CLRN1: variants seen among roughly 807,000 people sequenced by gnomAD.
CLRN1 encodes the protein clarin-1.
A neutral mutation model predicts 18.7 loss-of-function variants in CLRN1; 15 were observed. The observed-to-expected ratio is 0.80, with a 90% CI of 0.54 to 1.23. CLRN1 has a LOEUF of 1.23. Ranked by LOEUF, CLRN1 falls within the 50% of genes most tolerant of loss-of-function variation. CLRN1 has a pLI of 0.00. For synonymous variants in CLRN1, 104 were observed against 102.9 expected, an observed-to-expected ratio of 1.01 and a Z score of -0.07; for missense variants, 311 against 277.5, an observed-to-expected ratio of 1.12 and a Z score of -0.86.
chr3:150,959,530 G>T (rs1005991366), intron 1 of CLRN1, among the ~76,000 whole-genome samples: 1 of 151,790 alleles, frequency 6.6e-6, no homozygotes, highest in Non-Finnish European at 1.5e-5. Flanking sequence ...TCAGGAGGCT[G>T]GGGCAGGAGA....
At chr3:150,935,295 T>TCCCCC (rs1713403689) in intron 2 of CLRN1, among the ~76,000 whole-genome samples, 2 of 66,478 alleles carry the variant, frequency 3.0e-5, no homozygotes, top group South Asian at 8.7e-4. Context: ...CCCTCCCCCC[T>TCCCCC]CTTCCCACCC....
intron 1 of CLRN1, among the ~76,000 whole-genome samples, chr3:150,968,895 A>C (rs79449679): frequency 6.6e-6 from 1 of 151,932 alleles, no homozygotes; most frequent in Non-Finnish European, 1.5e-5. Context: ...GGTGTCTACC[A>C]TACTTAGGGA....
At position 150,962,911 on chromosome 3, in the gene CLRN1, A is replaced by T. The variant is rs190044493; in HGVS notation, c.253+9545T>A. Among the ~76,000 whole-genome samples, 196 of 152,328 alleles carry T rather than the reference A, an allele frequency of 1.3e-3. 1 individual carries two copies. The highest frequency in any genetic ancestry group is 4.5e-3 in the African/African-American group (187 of 41,590). On this transcript the variant is annotated intron_variant, in intron 1 of 2. Coordinates refer to ENST00000327047, the MANE Select transcript of CLRN1 (RefSeq NM_174878.3). Reference sequence around the variant, plus strand: ...AGATTTAGACATCAGGATCACTAAAATGTGAAATAAAAAGGCAATGAATGA... The same window carrying T: ...AGATTTAGACATCAGGATCACTAAATTGTGAAATAAAAAGGCAATGAATGA...
At chr3:150,948,090 G>A (rs186084027) in intron 1 of CLRN1, among the ~76,000 whole-genome samples, 1 of 152,238 alleles carries the variant, frequency 6.6e-6, no homozygotes, top group African/African-American at 2.4e-5. Context: ...CCATTCAAAA[G>A]ATCAAGAAAT....
intron 1 of CLRN1, chr3:150,943,731 G>T: frequency 6.2e-7 from 1 of 1,603,908 alleles, no homozygotes; most frequent in Non-Finnish European, 8.5e-7. Context: ...GGCCCACTGA[G>T]CTGACAACAC....
intron 1 of CLRN1, among the ~76,000 whole-genome samples, chr3:150,971,933 C>A (rs188169785): frequency 6.8e-4 from 104 of 152,272 alleles, no homozygotes; most frequent in Non-Finnish European, 8.8e-4. Context: ...TTTTAAATTT[C>A]TATAGCCAAA....
intron 1 of CLRN1, among the ~76,000 whole-genome samples, chr3:150,954,822 T>G (rs1714659261): frequency 6.6e-6 from 1 of 152,254 alleles, no homozygotes; most frequent in Non-Finnish European, 1.5e-5. Flanking sequence ...TTTGTATTTT[T>G]GCATATAGAT....
At chr3:150,945,388 CT>C in intron 1 of CLRN1, 1 of 533,942 alleles carries the variant, frequency 1.9e-6, no homozygotes. Context: ...AAGTAGTCAT[CT>C]GTACAAATGC....
intron 1 of CLRN1, among the ~76,000 whole-genome samples, chr3:150,951,162 G>T (rs1389966852): frequency 6.6e-6 from 1 of 152,058 alleles, no homozygotes; most frequent in Non-Finnish European, 1.5e-5. Context: ...GGTGGGAGGA[G>T]GGGGAGGAGC....
chr3:150,934,755 A>G (rs1025420366), intron 2 of CLRN1, among the ~76,000 whole-genome samples: 1 of 152,140 alleles, frequency 6.6e-6, no homozygotes, highest in African/African-American at 2.4e-5. Flanking sequence ...AATTGCTTCT[A>G]TACTCAGCTC....
At chr3:150,938,924 A>G (rs1713642798) in intron 2 of CLRN1, among the ~76,000 whole-genome samples, 1 of 152,210 alleles carries the variant, frequency 6.6e-6, no homozygotes, top group African/African-American at 2.4e-5. Flanking sequence ...TAAATTCTGT[A>G]TTCTCTGAGT....
Position 150,927,111 on chromosome 3 carries a change from C to T in CLRN1, c.*825G>A. On this transcript the variant is annotated 3_prime_UTR_variant, in exon 3 of 3. Coordinates refer to ENST00000327047, the MANE Select transcript of CLRN1 (RefSeq NM_174878.3). ...TCATTTTTCATGATTCCTCAGTGGT[C>T]CTAACAATTATGTTCATTGAAAGTA... 1.4e-6 allele frequency: 1 copy of T among 739,708 alleles called. No individual in the cohort carries two copies. Among genetic ancestry groups the T allele is most frequent in the Non-Finnish European group, 2.3e-6 (1 of 427,576 alleles). The allele number at this position is 739,708 out of a possible 1,614,324, so 45.8% of individuals were successfully genotyped here.
At chr3:150,948,377 G>T (rs1275749681) in intron 1 of CLRN1, among the ~76,000 whole-genome samples, 3 of 150,980 alleles carry the variant, frequency 2.0e-5, no homozygotes, top group African/African-American at 7.3e-5. Flanking sequence ...CCAGCTACTC[G>T]GGAGGCTGAG....
At chr3:150,936,849 C>T (rs1435077226) in intron 2 of CLRN1, among the ~76,000 whole-genome samples, 1 of 151,952 alleles carries the variant, frequency 6.6e-6, no homozygotes, top group Non-Finnish European at 1.5e-5. Flanking sequence ...GTTCCTACAA[C>T]AAGCAGACCT....
chr3:150,943,553 T>C (rs1713980716), intron 1 of CLRN1, among the ~76,000 whole-genome samples: 2 of 152,196 alleles, frequency 1.3e-5, no homozygotes. Context: ...CCACTTTCAT[T>C]GCTAATTCTC....
intron 1 of CLRN1, among the ~76,000 whole-genome samples, chr3:150,948,278 A>G (rs1382316119): frequency 1.3e-4 from 20 of 148,994 alleles, no homozygotes; most frequent in South Asian, 6.4e-4. Flanking sequence ...AGGTCAGGAG[A>G]TCGAGACCAT....
At position 150,926,880 on chromosome 3, in the gene CLRN1, T is replaced by A; in HGVS notation, c.*1056A>T. The A allele has an allele frequency of 3.1e-6, 5 of 1,614,032 alleles. No individual in the cohort carries two copies. The highest frequency in any genetic ancestry group is 4.2e-6 in the Non-Finnish European group (5 of 1,179,994). On this transcript the variant is annotated 3_prime_UTR_variant, in exon 3 of 3. Transcript: ENST00000327047. ...GCTGTGGCCTTTAGTCAGCTGCAGA[T>A]CAATTTGATGGGTAATTCAGGGGAA... is the stretch of plus-strand genomic sequence containing the variant.
intron 1 of CLRN1, among the ~76,000 whole-genome samples, chr3:150,953,236 T>C (rs1383511261): frequency 6.6e-6 from 1 of 152,248 alleles, no homozygotes; most frequent in Non-Finnish European, 1.5e-5. Context: ...CCAGAAAGTA[T>C]TTGATTAGCT....
intron 1 of CLRN1, chr3:150,945,502 T>C (rs1448295154): frequency 7.8e-7 from 1 of 1,285,598 alleles, no homozygotes. Context: ...CCGCTGGATG[T>C]AATTAACTAA....
Sources: gnomAD v4.1 joint callset for allele counts (sites outside exome capture counted in the v4.1 genomes callset) on GRCh38, gnomAD v4.1.1 for gene constraint, MANE v1.5 for transcripts, NCBI Gene and HGNC (gene_info 2026-07-23, HGNC 2026-07-21) for gene names.